IL1RAPL1: variants seen among roughly 807,000 people sequenced by gnomAD.
The protein encoded by IL1RAPL1 is interleukin 1 receptor accessory protein like 1.
In IL1RAPL1, 3 loss-of-function variants were observed where a neutral mutation model predicts 48.4. The observed-to-expected ratio is 0.06, with a 90% CI of 0.03 to 0.16. The LOEUF (loss-of-function observed/expected upper bound fraction) is 0.16. IL1RAPL1 is among the 10% of genes least tolerant of loss of function. IL1RAPL1 has a pLI of 1.00. For missense variants in IL1RAPL1, 349 were observed against 530.6 expected (o/e 0.66, Z 3.36); for synonymous variants, 185 against 187.7 (o/e 0.99, Z 0.12).
chrX:29,070,072 T>A (rs1927533555), intron 2 of IL1RAPL1, among the ~76,000 whole-genome samples: 1 of 112,266 alleles, frequency 8.9e-6, no homozygotes, highest in Admixed American at 9.5e-5. Context: ...TTGCCTTATA[T>A]GGGAATCTCT....
intron 5 of IL1RAPL1, among the ~76,000 whole-genome samples, chrX:29,661,279 A>T (rs1418412781): frequency 8.9e-6 from 1 of 112,229 alleles, no homozygotes; most frequent in African/African-American, 3.2e-5. Context: ...GGATAATTTG[A>T]CTTCTTTCTT....
At chrX:29,074,717 A>ACT (rs1178177392) in intron 2 of IL1RAPL1, among the ~76,000 whole-genome samples, 1 of 112,153 alleles carries the variant, frequency 8.9e-6, no homozygotes, top group East Asian at 2.8e-4. Context: ...TATTTACCAA[A>ACT]CATTACTAAG....
At chrX:29,298,286 G>T (rs781393571) in intron 3 of IL1RAPL1, among the ~76,000 whole-genome samples, 5 of 111,383 alleles carry the variant, frequency 4.5e-5, no homozygotes, top group Non-Finnish European at 9.4e-5. Context: ...TAATTACTTG[G>T]ATCCTAACTT....
intron 2 of IL1RAPL1, among the ~76,000 whole-genome samples, chrX:29,122,639 A>G (rs1208633237): frequency 3.6e-5 from 4 of 111,168 alleles, no homozygotes; most frequent in Non-Finnish European, 5.6e-5. Context: ...AAAATTAGCA[A>G]TGGCAGAAAA....
At chrX:29,113,080 G>A (rs941725972) in intron 2 of IL1RAPL1, among the ~76,000 whole-genome samples, 1 of 111,326 alleles carries the variant, frequency 9.0e-6, no homozygotes, top group African/African-American at 3.3e-5. Flanking sequence ...CAAAGTGCTG[G>A]GATTACAGGC....
intron 2 of IL1RAPL1, among the ~76,000 whole-genome samples, chrX:28,929,632 A>G (rs1923829602): frequency 8.9e-6 from 1 of 112,458 alleles, no homozygotes; most frequent in South Asian, 3.6e-4. Context: ...AACAGAACCC[A>G]TCAGGAATTT....
chrX:29,492,656 C>T (rs1195565682), intron 5 of IL1RAPL1, among the ~76,000 whole-genome samples: 1 of 112,029 alleles, frequency 8.9e-6, no homozygotes, highest in African/African-American at 3.2e-5. Flanking sequence ...TTTAAAGACT[C>T]ATGTGATCAG....
chrX:29,649,723 A>G (rs1357636698), intron 5 of IL1RAPL1, among the ~76,000 whole-genome samples: 1 of 111,477 alleles, frequency 9.0e-6, no homozygotes, highest in Non-Finnish European at 1.9e-5. Flanking sequence ...CACTTTCACT[A>G]CTTCTATTCA....
intron 2 of IL1RAPL1, among the ~76,000 whole-genome samples, chrX:28,876,795 T>C (rs1221859168): frequency 9.0e-6 from 1 of 111,484 alleles, no homozygotes; most frequent in Non-Finnish European, 1.9e-5. Flanking sequence ...GTCCAACTAT[T>C]AAATCAAGAT....
chrX:29,796,622 G>A (rs1411434289), intron 6 of IL1RAPL1, among the ~76,000 whole-genome samples: 1 of 112,046 alleles, frequency 8.9e-6, no homozygotes, highest in Non-Finnish European at 1.9e-5. Context: ...TGTTGTATTT[G>A]TTATATTTTA....
chrX:29,159,939 G>A (rs1428626752), intron 2 of IL1RAPL1, among the ~76,000 whole-genome samples: 2 of 111,140 alleles, frequency 1.8e-5, no homozygotes, highest in Admixed American at 1.9e-4. Context: ...TTGAACTCCC[G>A]ACCTCAGGTG....
chrX:29,569,166 G>A (rs7051891), intron 5 of IL1RAPL1, among the ~76,000 whole-genome samples: 9,074 of 110,935 alleles, frequency 0.082, 634 homozygotes, highest in African/African-American at 0.23. Flanking sequence ...TTCTAGTTTG[G>A]TGATTTCGAC....
At chrX:28,793,574 A>G (rs1022053148) in intron 2 of IL1RAPL1, among the ~76,000 whole-genome samples, 3 of 112,011 alleles carry the variant, frequency 2.7e-5, no homozygotes, top group Admixed American at 9.5e-5. Context: ...AGAGGTTAGC[A>G]TAGTCTTTGT....
At chrX:28,841,045 A>G (rs1012296138) in intron 2 of IL1RAPL1, among the ~76,000 whole-genome samples, 3 of 111,475 alleles carry the variant, frequency 2.7e-5, no homozygotes, top group Non-Finnish European at 5.7e-5. Context: ...TTTTTTCAAT[A>G]TAATATGAAA....
At chrX:28,943,195 T>TAA (rs541591430) in intron 2 of IL1RAPL1, among the ~76,000 whole-genome samples, 10 of 90,619 alleles carry the variant, frequency 1.1e-4, no homozygotes, top group Admixed American at 1.2e-4. Flanking sequence ...AGAGCAGCTT[T>TAA]AAAAAAAAAA....
intron 2 of IL1RAPL1, among the ~76,000 whole-genome samples, chrX:28,892,264 G>A (rs2147320393): frequency 9.3e-6 from 1 of 107,367 alleles, no homozygotes; most frequent in South Asian, 4.4e-4. Flanking sequence ...GATTTGGGTA[G>A]GTAAAGGAAA....
chrX:29,569,304 G>A (rs981434922), intron 5 of IL1RAPL1, among the ~76,000 whole-genome samples: 3 of 110,582 alleles, frequency 2.7e-5, no homozygotes, highest in African/African-American at 9.8e-5. Flanking sequence ...CTTTTCTGTA[G>A]ACTGTTCTTT....
chrX:28,950,320 C>A (rs1202808168), intron 2 of IL1RAPL1, among the ~76,000 whole-genome samples: 21 of 74,883 alleles, frequency 2.8e-4, no homozygotes, highest in African/African-American at 9.3e-4. Context: ...GGTACCAGTA[C>A]CATGCTGTTT....
intron 2 of IL1RAPL1, among the ~76,000 whole-genome samples, chrX:28,903,188 C>T (rs1365124476): frequency 2.7e-5 from 3 of 110,569 alleles, no homozygotes; most frequent in Non-Finnish European, 3.8e-5. Context: ...GGCGCTATCT[C>T]GGCTCACTGC....
Sources: gnomAD v4.1 joint callset for allele counts (sites outside exome capture counted in the v4.1 genomes callset) on GRCh38, gnomAD v4.1.1 for gene constraint, MANE v1.5 for transcripts, NCBI Gene and HGNC (gene_info 2026-07-23, HGNC 2026-07-21) for gene names.